Variants in TAF3 observed in about 807,000 individuals in gnomAD.
The protein encoded by TAF3 is TATA-box binding protein associated factor 3.
In TAF3, 7 loss-of-function variants were observed where a neutral mutation model predicts 80.6. The observed-to-expected ratio is 0.09, with a 90% CI of 0.05 to 0.16. The LOEUF (loss-of-function observed/expected upper bound fraction) is 0.16. Among genes scored for constraint, TAF3 ranks in the 10% least tolerant of loss-of-function variants. The pLI is 1.00. For synonymous variants in TAF3, 444 were observed against 446.1 expected, an observed-to-expected ratio of 1.00 and a Z score of 0.06; for missense variants, 921 against 1,140.2, an observed-to-expected ratio of 0.81 and a Z score of 2.77.
intron 2 of TAF3, among the ~76,000 whole-genome samples, chr10:7,851,325 A>G (rs1215537056): frequency 2.0e-5 from 3 of 152,140 alleles, no homozygotes; most frequent in Non-Finnish European, 4.4e-5. Context: ...AAAAGGGCAC[A>G]TGGCTGCGGT....
chr10:7,964,630 G>A lies in TAF3; in HGVS notation c.1120G>A (p.Glu374Lys). The change falls in exon 3 of 7, where the codon GAG (glutamate) becomes AAG (lysine). Residue 374 changes from glutamate (E) to lysine (K), a missense_variant. By Grantham distance (56) the Glu-to-Lys change is moderately conservative. This residue lies in a region of TAF3 where 743 missense variants were observed against 821.0 expected (regional missense o/e 0.90). Coordinates refer to ENST00000344293, the MANE Select transcript of TAF3 (RefSeq NM_031923.4). The surrounding 1 kb of genome is among the most constrained non-coding windows in gnomAD (Gnocchi z 4.1). Reference sequence around the variant, plus strand: ...CCCTGATGCTGGGAAACTGAACAGTGAGAATCAGCCGAAAAAGGCTGTGGT... The same window carrying A: ...CCCTGATGCTGGGAAACTGAACAGTAAGAATCAGCCGAAAAAGGCTGTGGT... ...TPPDAGKLNSENQPKKAVVAD... is the reference protein window; with the variant it reads ...TPPDAGKLNSKNQPKKAVVAD... The A allele has an allele frequency of 6.2e-7, 1 of 1,614,218 alleles. No individual in the cohort carries two copies. The highest frequency in any genetic ancestry group is 8.5e-7 in the Non-Finnish European group (1 of 1,180,040).
At chr10:7,946,209 G>A (rs567882308) in intron 2 of TAF3, among the ~76,000 whole-genome samples, 2 of 152,140 alleles carry the variant, frequency 1.3e-5, no homozygotes, top group Non-Finnish European at 1.5e-5. Flanking sequence ...TCTTTCCCAT[G>A]ATCCATGAAG....
At chr10:7,876,049 GT>G (rs1228595629) in intron 2 of TAF3, among the ~76,000 whole-genome samples, 1 of 151,666 alleles carries the variant, frequency 6.6e-6, no homozygotes, top group Non-Finnish European at 1.5e-5. Flanking sequence ...TAAAAAGGAA[GT>G]TTGTTTTCCT....
At chr10:7,939,425 G>A (rs568743704) in intron 2 of TAF3, among the ~76,000 whole-genome samples, 7 of 152,166 alleles carry the variant, frequency 4.6e-5, no homozygotes, top group Admixed American at 2.0e-4. Context: ...AATGTAGCCC[G>A]CCAGTTAGCA....
chr10:7,907,467 A>G (rs375474348), intron 2 of TAF3, among the ~76,000 whole-genome samples: 16 of 152,228 alleles, frequency 1.1e-4, no homozygotes, highest in African/African-American at 3.1e-4. Context: ...GTTCATGGCT[A>G]TTACTGCTTA....
chr10:7,984,167 A>G (rs545445989), intron 4 of TAF3, among the ~76,000 whole-genome samples: 15 of 152,188 alleles, frequency 9.9e-5, no homozygotes, highest in South Asian at 4.2e-4. Context: ...GGAGTTTTTG[A>G]CTTCCTTATA....
At chr10:7,950,008 A>C (rs1838066163) in intron 2 of TAF3, among the ~76,000 whole-genome samples, 1 of 152,246 alleles carries the variant, frequency 6.6e-6, no homozygotes, top group African/African-American at 2.4e-5. Flanking sequence ...AGTCAATGAT[A>C]CATGGTGAAA....
chr10:8,011,114 A>G lies in TAF3; in HGVS notation c.2568+1784A>G, dbSNP rs575078394. 9.9e-5 allele frequency among the ~76,000 whole-genome samples: 15 copies of G among 152,156 alleles called. No homozygotes were observed. The South Asian group carries it at 2.9e-3, about 30-fold the overall frequency. ...GCCATTGCCATTGCTGTGACTACCAACTCTGCAGACTGTGATGTGTTAGCC... is the reference window on the plus strand; with the variant it reads ...GCCATTGCCATTGCTGTGACTACCAGCTCTGCAGACTGTGATGTGTTAGCC... On this transcript the variant is annotated intron_variant, in intron 5 of 6. Coordinates refer to ENST00000344293, the MANE Select transcript of TAF3 (RefSeq NM_031923.4).
At chr10:7,977,160 G>A (rs1831681251) in intron 3 of TAF3, 81 bp from the exon 4 acceptor site, 1 of 1,309,132 alleles carries the variant, frequency 7.6e-7, no homozygotes, top group Admixed American at 1.8e-5. Flanking sequence ...CTCAGTTTGT[G>A]AGAGTGGGAG....
chr10:7,860,947 C>T (rs1369472907), intron 2 of TAF3, among the ~76,000 whole-genome samples: 2 of 151,650 alleles, frequency 1.3e-5, no homozygotes, highest in Non-Finnish European at 2.9e-5. Flanking sequence ...TACAGGCACC[C>T]ACCACCATGC....
At position 8,009,168 on chromosome 10, in the gene TAF3, C is replaced by G; in HGVS notation, c.2406C>G (p.Ala802=). 2 of 1,539,380 alleles carry G rather than the reference C, an allele frequency of 1.3e-6. No homozygotes were observed. The highest frequency in any genetic ancestry group is 1.8e-6 in the Non-Finnish European group (2 of 1,142,560). Reference sequence around the variant, plus strand: ...CCCCACCGCCGGCCCCCGCGCCCGCCCCCGGCCCCATGCTCGTCAGCCCTG... The same window carrying G: ...CCCCACCGCCGGCCCCCGCGCCCGCGCCCGGCCCCATGCTCGTCAGCCCTG... The part of the protein sequence containing the change: ...PKTPPPAPAP[A]PGPMLVSPAP... Residue 802 remains alanine, a synonymous_variant, in exon 5 of 7, where the codon GCC becomes GCG. Transcript: ENST00000344293. This position sits in a 1 kb window ranked among gnomAD's most constrained non-coding sequence, Gnocchi z 4.1.
In TAF3 at chr10:7,964,121, C is replaced by T. The variant is rs769663269; in HGVS notation, c.611C>T (p.Thr204Met). Residue 204 changes from threonine to methionine, a missense_variant, in exon 3 of 7, where the codon ACG becomes ATG. By Grantham distance (81) the Thr-to-Met change is moderately conservative. Around this residue, in one of 6 missense-constraint regions of TAF3, gnomAD observed 743 missense variants for 821.0 expected, o/e 0.90. Coordinates refer to ENST00000344293, the MANE Select transcript of TAF3 (RefSeq NM_031923.4). The surrounding 1 kb of genome is among the most constrained non-coding windows in gnomAD (Gnocchi z 4.1). ...RPRLLSTKGD[T>M]LDVVLLEARE... ...CGGCTATTAAGCACTAAAGGGGACA[C>T]GCTAGATGTTGTGTTATTGGAAGCT... 10 of 1,613,918 alleles carry T rather than the reference C, an allele frequency of 6.2e-6. No individual in the cohort carries two copies. Among genetic ancestry groups the T allele is most frequent in the South Asian group, 1.1e-5 (1 of 91,064 alleles).
intron 2 of TAF3, among the ~76,000 whole-genome samples, chr10:7,857,045 A>G (rs1320800486): frequency 6.6e-6 from 1 of 152,234 alleles, no homozygotes; most frequent in Non-Finnish European, 1.5e-5. Context: ...GTCCGTAAGC[A>G]AACCACTGTT....
chr10:8,006,330 T>C (rs1279268404), intron 4 of TAF3, among the ~76,000 whole-genome samples: 1 of 151,290 alleles, frequency 6.6e-6, no homozygotes, highest in African/African-American at 2.4e-5. Flanking sequence ...GAGTCAAGAC[T>C]GCGCCATTAC....
intron 4 of TAF3, among the ~76,000 whole-genome samples, chr10:7,995,955 A>G (rs1364363445): frequency 1.3e-5 from 2 of 152,354 alleles, no homozygotes; most frequent in East Asian, 3.9e-4. Context: ...AATCTGAAAT[A>G]TGGAAATGAC....
intron 2 of TAF3, among the ~76,000 whole-genome samples, chr10:7,888,838 C>T (rs1356981546): frequency 6.6e-6 from 1 of 152,204 alleles, no homozygotes; most frequent in Non-Finnish European, 1.5e-5. Context: ...AAGAAGTTGG[C>T]CTGCCAGATT....
intron 3 of TAF3, among the ~76,000 whole-genome samples, chr10:7,970,520 C>T (rs1041744127): frequency 2.0e-5 from 3 of 152,204 alleles, no homozygotes; most frequent in African/African-American, 7.2e-5. Context: ...CAGCCACTTA[C>T]CTCAGTCTGC....
chr10:7,883,118 G>T (rs1837377188), intron 2 of TAF3, among the ~76,000 whole-genome samples: 1 of 152,192 alleles, frequency 6.6e-6, no homozygotes, highest in Non-Finnish European at 1.5e-5. Context: ...GATTACATCA[G>T]TTGTCCCAGT....
At position 7,944,237 on chromosome 10, in the gene TAF3, A is replaced by G. The variant is rs574049049; in HGVS notation, c.410-19683A>G. Among the ~76,000 whole-genome samples the G allele has an allele frequency of 2.0e-4, 30 of 152,070 alleles. 1 individual carries two copies. In the South Asian group the frequency reaches 5.6e-3, roughly 28 times the overall value. On this transcript the variant is annotated intron_variant, in intron 2 of 6. Transcript: ENST00000344293. The stretch of plus-strand genomic sequence containing the variant: ...TACTGCGTTGGATAAACATACTGGA[A>G]TACTGCCAAAAATTCAGGTGGCTGA...
Sources: allele counts gnomAD v4.1 joint callset (sites outside exome capture counted in the v4.1 genomes callset), GRCh38; gene constraint gnomAD v4.1.1; regional missense constraint gnomAD v4.1.1; non-coding constraint Gnocchi (gnomAD v3.1); transcripts MANE v1.5; gene names NCBI Gene and HGNC (gene_info 2026-07-23, HGNC 2026-07-21).